OARD1: variants seen among roughly 807,000 people sequenced by gnomAD.
OARD1 encodes the protein ADP-ribose glycohydrolase OARD1.
OARD1 carries 19 observed loss-of-function variants against 19.7 expected under a neutral mutation model. The ratio of observed to expected loss-of-function variants is 0.96; its 90% CI spans 0.67 to 1.41. The LOEUF (loss-of-function observed/expected upper bound fraction) is 1.41. Among genes scored for constraint, OARD1 ranks in the 40% most tolerant of loss-of-function variants. The probability of loss-of-function intolerance (pLI) is 0.00; values close to 1 mark genes in which losing one functional copy is unlikely to be tolerated. For missense variants in OARD1, 190 were observed against 183.8 expected, an observed-to-expected ratio of 1.03 and a Z score of -0.20; for synonymous variants, 70 against 61.8, an observed-to-expected ratio of 1.13 and a Z score of -0.62.
At chr6:41,077,139 A>G (rs1166054905), upstream of OARD1, among the ~76,000 whole-genome samples, 3 of 152,204 alleles carry the variant, frequency 2.0e-5, no homozygotes, top group Non-Finnish European at 4.4e-5. Flanking sequence ...TCAAGGAAAA[A>G]ATCTCATATA....
Position 41,094,401 on chromosome 6 carries a change from C to T in OARD1, c.-42+3312G>A, listed in dbSNP as rs562094642. The T allele has an allele frequency of 3.7e-6, 6 of 1,613,932 alleles. No homozygotes were observed. In the African/African-American group the frequency reaches 8.0e-5, roughly 22 times the overall value. On this transcript the variant is annotated intron_variant, in intron 1 of 4. Coordinates refer to the OARD1 transcript ENST00000480585. ...GGTTTTATTTCTCGTTTTAGAAATA[C>T]CTGCATGAGTCTCGGCACCGTCATG...
intron 1 of OARD1, among the ~76,000 whole-genome samples, chr6:41,093,491 G>T (rs1764252059): frequency 6.7e-6 from 1 of 149,532 alleles, no homozygotes; most frequent in South Asian, 2.1e-4. Flanking sequence ...TTTTTCCTGA[G>T]ACTCAGTCTT....
At chr6:41,086,932 T>G (rs1764063555) in intron 1 of OARD1, among the ~76,000 whole-genome samples, 1 of 152,174 alleles carries the variant, frequency 6.6e-6, no homozygotes, top group Admixed American at 6.5e-5. Context: ...ATAAGAATTT[T>G]TATGCTATAG....
chr6:41,069,171 C>T (rs565703987), intron 4 of OARD1: 39 of 368,944 alleles, frequency 1.1e-4, no homozygotes, highest in African/African-American at 7.6e-4. Context: ...GACTCTGCCA[C>T]GTAGCAATCT....
chr6:41,067,507 T>C, intron 5 of OARD1, 70 bp from the exon 6 acceptor site: 12 of 1,024,494 alleles, frequency 1.2e-5, no homozygotes, highest in Non-Finnish European at 1.8e-5. Context: ...TCTTTTAAGC[T>C]ATATCCACTC....
rs141089745 is a variant in OARD1, at chr6:41,095,678, G to A, written c.-42+2035C>T. On this transcript the variant is annotated intron_variant, in intron 1 of 4. Transcript: ENST00000480585. ...ACTCCTAGGCTCAAGCGATCCTCTC[G>A]CCTTGGCCTCCCAAAGTGCTAGGAT... 4.3e-3 allele frequency among the ~76,000 whole-genome samples: 649 copies of A among 152,230 alleles called. 11 individuals carry two copies. In the South Asian group the frequency reaches 0.06, roughly 14 times the overall value.
intron 1 of OARD1, among the ~76,000 whole-genome samples, chr6:41,080,028 C>T (rs1004761203): frequency 1.3e-5 from 2 of 152,154 alleles, no homozygotes; most frequent in African/African-American, 2.4e-5. Context: ...ACAAAGGGCC[C>T]TCCATTCACA....
chr6:41,067,145 C>T lies in OARD1; in HGVS notation c.*190G>A. 2.6e-6 allele frequency: 1 copy of T among 380,962 alleles called. No individual in the cohort carries two copies. Among genetic ancestry groups the T allele is most frequent in the Non-Finnish European group, 4.8e-6 (1 of 206,416 alleles). 23.6% of individuals were successfully genotyped at this position (380,962 alleles called of 1,614,324 possible). ...ACTTTTCCACAAAAAAACACAACCA[C>T]ATATCTTAAGCAAGCCCTCCTCCAC... is the stretch of plus-strand genomic sequence containing the variant. On this transcript the variant is annotated 3_prime_UTR_variant, in exon 6 of 6. Transcript: ENST00000424266.
chr6:41,080,455 A>C (rs1483912129), intron 1 of OARD1, among the ~76,000 whole-genome samples: 2 of 152,164 alleles, frequency 1.3e-5, no homozygotes, highest in Non-Finnish European at 2.9e-5. Context: ...ATTAAAACCT[A>C]ATCATTTTTT....
chr6:41,090,219 G>C (rs1764163472), intron 1 of OARD1: 1 of 1,612,464 alleles, frequency 6.2e-7, no homozygotes, highest in South Asian at 1.1e-5. Flanking sequence ...GCAGCAGATT[G>C]CTGTCCAGGG....
chr6:41,069,649 C>T (rs1171397678), intron 4 of OARD1: 8 of 240,322 alleles, frequency 3.3e-5, no homozygotes, highest in Non-Finnish European at 8.1e-6. Flanking sequence ...TTTGGGACTG[C>T]ACTTATTATT....
chr6:41,079,525 A>G (rs557476266), intron 1 of OARD1, among the ~76,000 whole-genome samples: 14 of 152,364 alleles, frequency 9.2e-5, no homozygotes, highest in Middle Eastern at 3.4e-3. Context: ...ACAAACCAAC[A>G]TAGCTTCCAA....
chr6:41,071,110 G>GT (rs771537494), intron 3 of OARD1, 22 bp downstream of exon 3: 9 of 1,612,202 alleles, frequency 5.6e-6, no homozygotes, highest in South Asian at 5.5e-5. Flanking sequence ...GGCAAACCAG[G>GT]TAAGTGGTTT....
At chr6:41,076,214 C>G (rs1763729364), upstream of OARD1, among the ~76,000 whole-genome samples, 1 of 152,040 alleles carries the variant, frequency 6.6e-6, no homozygotes, top group Admixed American at 6.6e-5. Context: ...TTGAGACCAG[C>G]CTGGGTAGCA....
At chr6:41,090,212 G>A in intron 1 of OARD1, 3 of 1,609,940 alleles carry the variant, frequency 1.9e-6, no homozygotes, top group Non-Finnish European at 2.6e-6. Context: ...AGACACAGCA[G>A]CAGATTGCTG....
chr6:41,065,334 T>C lies in OARD1; in HGVS notation c.*2001A>G, dbSNP rs1762963027. 6.6e-6 allele frequency: 1 copy of C among 152,262 alleles called. No homozygotes were observed. The highest frequency in any genetic ancestry group is 2.4e-5 in the African/African-American group (1 of 41,466). The allele number at this position is 152,262 out of a possible 1,614,324, so 9.4% of individuals were successfully genotyped here. The stretch of plus-strand genomic sequence containing the variant: ...TTACAATGGTTTGTCTTGCAATTTT[T>C]GGACTTTACAACGGTGCAAAAGCCA... On this transcript the variant is annotated 3_prime_UTR_variant, in exon 6 of 6. Coordinates refer to ENST00000424266, the MANE Select transcript of OARD1 (RefSeq NM_001329686.2).
upstream of OARD1, chr6:41,073,174 G>C (rs1250554751): frequency 6.6e-6 from 1 of 152,454 alleles, no homozygotes; most frequent in East Asian, 1.9e-4. Flanking sequence ...AGAGGCCCAG[G>C]CGCCCGTCGA....
intron 4 of OARD1, 118 bp downstream of exon 4, chr6:41,069,958 A>G (rs1582002452): frequency 1.3e-6 from 1 of 773,550 alleles, no homozygotes; most frequent in Non-Finnish European, 2.3e-6. Context: ...TGACATTCTT[A>G]GTTGTCTAGA....
chr6:41,081,034 G>A (rs1223420520), intron 1 of OARD1: 17 of 612,082 alleles, frequency 2.8e-5, no homozygotes, highest in Non-Finnish European at 4.6e-5. Flanking sequence ...TTGTCTTTGA[G>A]GCTTATAAGA....
Sources: allele counts gnomAD v4.1 joint callset (sites outside exome capture counted in the v4.1 genomes callset), GRCh38; gene constraint gnomAD v4.1.1; transcripts MANE v1.5; gene names NCBI Gene and HGNC (gene_info 2026-07-23, HGNC 2026-07-21).